The following NRCAM variants were observed in gnomAD, a reference collection of about 807,000 sequenced individuals.
NRCAM encodes the protein NgCAM-related cell adhesion molecule.
In NRCAM, 83 loss-of-function variants were observed where a neutral mutation model predicts 156.5. That is an observed-to-expected ratio of 0.53 (90% CI 0.44 to 0.64). The LOEUF (loss-of-function observed/expected upper bound fraction) is 0.64, where lower values mean the gene tolerates loss of function less well. Among genes scored for constraint, NRCAM ranks in the 30% least tolerant of loss-of-function variants. The probability of loss-of-function intolerance (pLI) is 0.00; values close to 1 mark genes in which losing one functional copy is unlikely to be tolerated. For missense variants in NRCAM, 1,417 were observed against 1,597.3 expected, an observed-to-expected ratio of 0.89 and a Z score of 1.92; for synonymous variants, 538 against 563.9, an observed-to-expected ratio of 0.95 and a Z score of 0.65.
intron 11 of NRCAM, among the ~76,000 whole-genome samples, chr7:108,219,024 G>C (rs906036411): frequency 3.9e-5 from 6 of 152,156 alleles, no homozygotes; most frequent in African/African-American, 1.4e-4. Context: ...TGAAAAGGGA[G>C]ATATTACAAC....
At position 108,243,994 on chromosome 7, in the gene NRCAM, C is replaced by G. The variant is rs115881749; in HGVS notation, c.-106-3824G>C. 1.0e-3 allele frequency among the ~76,000 whole-genome samples: 156 copies of G among 152,230 alleles called. 1 individual carries two copies. Among genetic ancestry groups the G allele is most frequent in the African/African-American group, 3.6e-3 (151 of 41,540 alleles). Reference sequence around the variant, plus strand: ...TTACTATGTATTTCAAAAGAAAACCCTACAGTTTTGACAAAGGATTCACAT... The same window carrying G: ...TTACTATGTATTTCAAAAGAAAACCGTACAGTTTTGACAAAGGATTCACAT... On this transcript the variant is annotated intron_variant, in intron 3 of 32. Transcript: ENST00000379028.
chr7:108,297,966 G>A (rs1215318591), intron 3 of NRCAM, among the ~76,000 whole-genome samples: 1 of 152,218 alleles, frequency 6.6e-6, no homozygotes, highest in Non-Finnish European at 1.5e-5. Flanking sequence ...GAAAGACCCT[G>A]TGGTGGGAGC....
chr7:108,301,637 A>G (rs1230848833), intron 3 of NRCAM, among the ~76,000 whole-genome samples: 4 of 152,118 alleles, frequency 2.6e-5, no homozygotes, highest in Non-Finnish European at 4.4e-5. Context: ...TGGACATGAG[A>G]AGTAGAAGGG....
intron 17 of NRCAM, 149 bp downstream of exon 17, chr7:108,193,875 G>C: frequency 1.4e-6 from 1 of 708,978 alleles, no homozygotes. Flanking sequence ...ATATTTTACA[G>C]TAGGGAGAAA....
chr7:108,368,214 A>C (rs2154336751), intron 2 of NRCAM, among the ~76,000 whole-genome samples: 1 of 86,736 alleles, frequency 1.2e-5, no homozygotes, highest in Non-Finnish European at 2.6e-5. Context: ...ACGTGGAATC[A>C]CACTTTCATA....
intron 3 of NRCAM, among the ~76,000 whole-genome samples, chr7:108,275,917 G>T (rs1288654009): frequency 6.6e-6 from 1 of 152,130 alleles, no homozygotes; most frequent in African/African-American, 2.4e-5. Context: ...GTGTCCCAGA[G>T]ATTCTGGTAC....
chr7:108,218,343 T>C (rs2090592860), intron 11 of NRCAM, among the ~76,000 whole-genome samples: 1 of 152,180 alleles, frequency 6.6e-6, no homozygotes, highest in Non-Finnish European at 1.5e-5. Context: ...TGCATCGATC[T>C]TGCTGGGAGC....
At chr7:108,420,858 A>G (rs1377882193) in intron 1 of NRCAM, among the ~76,000 whole-genome samples, 1 of 152,240 alleles carries the variant, frequency 6.6e-6, no homozygotes, top group African/African-American at 2.4e-5. Flanking sequence ...ATCTTTCAAA[A>G]TCTTGTGTGT....
chr7:108,280,149 C>T (rs1419315802), intron 3 of NRCAM, among the ~76,000 whole-genome samples: 1 of 152,240 alleles, frequency 6.6e-6, no homozygotes, highest in African/African-American at 2.4e-5. Flanking sequence ...AGGTTAAAAG[C>T]TGGCCTGATC....
intron 1 of NRCAM, among the ~76,000 whole-genome samples, chr7:108,424,863 A>G (rs1815054402): frequency 6.6e-6 from 1 of 152,212 alleles, no homozygotes; most frequent in Admixed American, 6.5e-5. Flanking sequence ...ACATTACATT[A>G]GTGTATTCAT....
At chr7:108,262,519 G>C (rs114330098) in intron 3 of NRCAM, among the ~76,000 whole-genome samples, 2,854 of 152,262 alleles carry the variant, frequency 0.019, 89 homozygotes, top group African/African-American at 0.064. Flanking sequence ...ACTAGAATTT[G>C]AACCCAGTCC....
At chr7:108,177,300 G>A (rs2060913420) in intron 26 of NRCAM, among the ~76,000 whole-genome samples, 1 of 152,068 alleles carries the variant, frequency 6.6e-6, no homozygotes, top group Non-Finnish European at 1.5e-5. Context: ...ATAAAGGAAG[G>A]ACAGAGGGAA....
At chr7:108,203,639 C>T (rs937247709) in intron 13 of NRCAM, among the ~76,000 whole-genome samples, 2 of 152,136 alleles carry the variant, frequency 1.3e-5, no homozygotes, top group African/African-American at 4.8e-5. Context: ...CTTAGGTGCT[C>T]GCCTGCAAGT....
At chr7:108,371,397 C>A (rs937345383) in intron 2 of NRCAM, among the ~76,000 whole-genome samples, 10 of 152,060 alleles carry the variant, frequency 6.6e-5, no homozygotes, top group African/African-American at 2.2e-4. Flanking sequence ...AACCAGTAAG[C>A]AGGGAGGGAA....
rs539342135 is a variant in NRCAM at position 108,306,009 on chromosome 7, C to G, written c.-107+6656G>C. Among the ~76,000 whole-genome samples the G allele has an allele frequency of 2.6e-5, 4 of 152,254 alleles. No individual in the cohort carries two copies. In the East Asian group the frequency reaches 5.8e-4, roughly 22 times the overall value. On this transcript the variant is annotated intron_variant, in intron 3 of 32. Transcript: ENST00000379028. ...ATAATTCAATATTTTCCATTTTCCA[C>G]AAATACTCTCTGTGAGACAGATATA...
At chr7:108,187,351 T>A (rs2067544489) in intron 20 of NRCAM, among the ~76,000 whole-genome samples, 1 of 152,206 alleles carries the variant, frequency 6.6e-6, no homozygotes, top group African/African-American at 2.4e-5. Flanking sequence ...CACACTGGCA[T>A]CCTAGCAGAC....
intron 11 of NRCAM, among the ~76,000 whole-genome samples, chr7:108,215,581 T>A (rs1191754318): frequency 6.6e-6 from 1 of 152,126 alleles, no homozygotes; most frequent in Non-Finnish European, 1.5e-5. Flanking sequence ...GCTTTATGAA[T>A]CTGGGTGCTT....
At chr7:108,367,442 A>G (rs570240696) in intron 2 of NRCAM, among the ~76,000 whole-genome samples, 60 of 152,304 alleles carry the variant, frequency 3.9e-4, no homozygotes, top group Middle Eastern at 3.4e-3. Context: ...TTAAATTAAT[A>G]ACTGAGGTTC....
intron 2 of NRCAM, among the ~76,000 whole-genome samples, chr7:108,381,736 T>C (rs193004533): frequency 6.6e-6 from 1 of 152,032 alleles, no homozygotes; most frequent in East Asian, 1.9e-4. Context: ...ATTTTTTGTA[T>C]TTTTAATAGA....
Sources: allele counts gnomAD v4.1 joint callset (sites outside exome capture counted in the v4.1 genomes callset), GRCh38; gene constraint gnomAD v4.1.1; transcripts MANE v1.5; gene names NCBI Gene and HGNC (gene_info 2026-07-23, HGNC 2026-07-21).